Variants in CSNK1G3 observed in about 807,000 individuals in gnomAD.
CSNK1G3 encodes casein kinase 1 gamma 3, also known as casein kinase I isoform gamma-3.
A neutral mutation model predicts 64.3 loss-of-function variants in CSNK1G3; 23 were observed. The ratio of observed to expected loss-of-function variants is 0.36; its 90% confidence interval spans 0.26 to 0.51. The LOEUF (loss-of-function observed/expected upper bound fraction) is 0.51. CSNK1G3 is among the 20% of genes least tolerant of loss of function. CSNK1G3 has a pLI of 0.96. For missense variants in CSNK1G3, 357 were observed against 510.5 expected, an observed-to-expected ratio of 0.70 and a Z score of 2.90; for synonymous variants, 158 against 162.2, an observed-to-expected ratio of 0.97 and a Z score of 0.20.
At chr5:123,611,170 A>G (rs1250139986) in intron 12 of CSNK1G3, among the ~76,000 whole-genome samples, 1 of 152,176 alleles carries the variant, frequency 6.6e-6, no homozygotes, top group Non-Finnish European at 1.5e-5. Flanking sequence ...AATTACTTTT[A>G]TCTTAAGAAA....
chr5:123,550,289 T>A (rs770332973), intron 2 of CSNK1G3, among the ~76,000 whole-genome samples: 12 of 152,258 alleles, frequency 7.9e-5, no homozygotes, highest in Admixed American at 4.6e-4. Flanking sequence ...GTGACTTCCG[T>A]CTCTGTGCAC....
intron 8 of CSNK1G3, among the ~76,000 whole-genome samples, chr5:123,589,302 A>G (rs1449212131): frequency 6.6e-6 from 1 of 152,186 alleles, no homozygotes; most frequent in Non-Finnish European, 1.5e-5. Context: ...TTGACAGCAA[A>G]CTTTAATTAT....
intron 1 of CSNK1G3, among the ~76,000 whole-genome samples, chr5:123,519,741 G>A (rs922552782): frequency 6.6e-6 from 1 of 152,266 alleles, no homozygotes; most frequent in Middle Eastern, 3.4e-3. Flanking sequence ...AGGGGTTGGG[G>A]AGGAAGGGAA....
At chr5:123,560,742 T>G (rs1785535572) in intron 4 of CSNK1G3, among the ~76,000 whole-genome samples, 1 of 152,116 alleles carries the variant, frequency 6.6e-6, no homozygotes, top group Admixed American at 6.6e-5. Flanking sequence ...TAAATTTCAC[T>G]TAACATGAGG....
At chr5:123,515,891 A>G (rs1321179286) in intron 1 of CSNK1G3, among the ~76,000 whole-genome samples, 2 of 152,146 alleles carry the variant, frequency 1.3e-5, no homozygotes, top group East Asian at 3.8e-4. Context: ...GACAACTCTG[A>G]GTTAGGTGGT....
chr5:123,575,875 G>A (rs368699598), exon 6 of CSNK1G3: 41 of 1,613,458 alleles, frequency 2.5e-5, no homozygotes, highest in South Asian at 3.3e-5. Flanking sequence ...ATATTGATCC[G>A]GAGACAAAGA....
rs115190279 is a variant in CSNK1G3, at chr5:123,599,662, T to A, written c.1087-5062T>A. ...TACAAAATATTTGAAAATGCAGTTA[T>A]TAACAAGGAACAAAATCTAGTGACT... On this transcript the variant is annotated intron_variant, in intron 10 of 12. Transcript: ENST00000345990. Among the ~76,000 whole-genome samples, 1,329 of 152,276 alleles carry A rather than the reference T, an allele frequency of 8.7e-3. 25 individuals carry two copies. Among genetic ancestry groups the A allele is most frequent in the African/African-American group, 0.03 (1,230 of 41,552 alleles).
chr5:123,554,639 G>A (rs540454208), intron 3 of CSNK1G3, among the ~76,000 whole-genome samples: 2 of 152,316 alleles, frequency 1.3e-5, no homozygotes, highest in South Asian at 2.1e-4. Flanking sequence ...GACGTTGTTT[G>A]AACAGGCATT....
At chr5:123,564,834 C>T (rs1367963007) in intron 4 of CSNK1G3, among the ~76,000 whole-genome samples, 2 of 152,012 alleles carry the variant, frequency 1.3e-5, no homozygotes, top group Admixed American at 1.3e-4. Context: ...GGACTGTTAC[C>T]AAGTCCATAA....
chr5:123,558,114 T>G (rs915222353), intron 4 of CSNK1G3, among the ~76,000 whole-genome samples: 3 of 152,186 alleles, frequency 2.0e-5, no homozygotes, highest in Non-Finnish European at 2.9e-5. Context: ...TACTTTCGCC[T>G]AGAGTCTCTA....
At chr5:123,563,066 C>T (rs941636086) in intron 4 of CSNK1G3, among the ~76,000 whole-genome samples, 1 of 151,952 alleles carries the variant, frequency 6.6e-6, no homozygotes, top group African/African-American at 2.4e-5. Context: ...GGAGAAACTG[C>T]AATTAATGCA....
intron 10 of CSNK1G3, among the ~76,000 whole-genome samples, chr5:123,592,518 C>T (rs1448934777): frequency 2.0e-5 from 3 of 151,906 alleles, no homozygotes; most frequent in Admixed American, 1.3e-4. Context: ...AAAAATTTCA[C>T]TATCACACTG....
intron 3 of CSNK1G3, among the ~76,000 whole-genome samples, chr5:123,556,918 T>C (rs1181518185): frequency 6.6e-6 from 1 of 152,006 alleles, no homozygotes; most frequent in African/African-American, 2.4e-5. Flanking sequence ...CCAAAGGTGA[T>C]AGAAGTAAAA....
intron 8 of CSNK1G3, among the ~76,000 whole-genome samples, chr5:123,588,981 G>T (rs577582314): frequency 6.6e-6 from 1 of 152,148 alleles, no homozygotes; most frequent in South Asian, 2.1e-4. Flanking sequence ...GGAGCTGTAT[G>T]CATTTATGAA....
exon 6 of CSNK1G3, chr5:123,575,827 A>G (rs762737894): frequency 3.7e-6 from 6 of 1,613,604 alleles, no homozygotes; most frequent in South Asian, 1.1e-5. Flanking sequence ...AAACCCAGCA[A>G]GTTATTCACA....
At chr5:123,588,292 G>C in intron 7 of CSNK1G3, 135 bp from the exon 8 acceptor site, 1 of 1,017,728 alleles carries the variant, frequency 9.8e-7, no homozygotes, top group South Asian at 1.4e-5. Flanking sequence ...GCCCAGGCTG[G>C]TCTCAAACTC....
At position 123,532,462 on chromosome 5, in the gene CSNK1G3, A is replaced by G. The variant is rs150148273; in HGVS notation, c.-247-12955A>G. On this transcript the variant is annotated intron_variant, in intron 1 of 12. Coordinates refer to ENST00000345990, the Ensembl canonical transcript of CSNK1G3. ...CTTCTAAGAATATATTTATAAAGCA[A>G]TTCAGTGAGAAAATAACAGTATTCT... Among the ~76,000 whole-genome samples, 660 of 152,024 alleles carry G rather than the reference A, an allele frequency of 4.3e-3. 2 individuals are homozygous for G. The highest frequency in any genetic ancestry group is 7.9e-3 in the South Asian group (38 of 4,832).
At chr5:123,525,632 A>C (rs1482560670) in intron 1 of CSNK1G3, among the ~76,000 whole-genome samples, 1 of 152,108 alleles carries the variant, frequency 6.6e-6, no homozygotes, top group Non-Finnish European at 1.5e-5. Context: ...AATCTCAAAC[A>C]CACAAAGTGT....
intron 1 of CSNK1G3, among the ~76,000 whole-genome samples, chr5:123,520,900 G>C (rs2149967696): frequency 6.6e-6 from 1 of 152,072 alleles, no homozygotes; most frequent in South Asian, 2.1e-4. Flanking sequence ...CCCACTGTGT[G>C]TCATGTTTAT....
Sources: allele counts gnomAD v4.1 joint callset (sites outside exome capture counted in the v4.1 genomes callset), GRCh38; gene constraint gnomAD v4.1.1; transcripts MANE v1.5; gene names NCBI Gene and HGNC (gene_info 2026-07-23, HGNC 2026-07-21).